Variants in EVI5 observed in about 807,000 individuals in gnomAD.
EVI5 encodes ecotropic viral integration site 5 protein homolog.
EVI5 carries 73 observed loss-of-function variants against 112.0 expected under a neutral mutation model. The observed-to-expected ratio is 0.65, with a 90% CI of 0.54 to 0.79. The LOEUF is 0.79. Among genes scored for constraint, EVI5 ranks in the 30% least tolerant of loss-of-function variants. The probability of loss-of-function intolerance (pLI) is 0.00; values close to 1 mark genes in which losing one functional copy is unlikely to be tolerated. For missense variants in EVI5, 900 were observed against 968.8 expected (o/e 0.93, Z 0.94); for synonymous variants, 305 against 319.9 (o/e 0.95, Z 0.50).
chr1:92,685,312 C>T (rs938181936), intron 9 of EVI5, among the ~76,000 whole-genome samples: 1 of 152,076 alleles, frequency 6.6e-6, no homozygotes, highest in Non-Finnish European at 1.5e-5. Flanking sequence ...CTACTGGGTA[C>T]ATAACAAAAT....
chr1:92,707,224 T>TCACAGCC (rs1275139598), intron 2 of EVI5, among the ~76,000 whole-genome samples: 2 of 147,082 alleles, frequency 1.4e-5, no homozygotes, highest in African/African-American at 5.0e-5. Flanking sequence ...CTTCACAGCC[T>TCACAGCC]TTGGGGTAGG....
chr1:92,524,253 C>T (rs768311635), intron 19 of EVI5, among the ~76,000 whole-genome samples: 23 of 151,626 alleles, frequency 1.5e-4, no homozygotes, highest in Admixed American at 2.6e-4. Flanking sequence ...ATTCTGAAGA[C>T]GGTGGTCCAT....
intron 1 of EVI5, among the ~76,000 whole-genome samples, chr1:92,771,677 G>A (rs898430510): frequency 6.6e-6 from 1 of 151,024 alleles, no homozygotes; most frequent in Non-Finnish European, 1.5e-5. Flanking sequence ...CACGATCTCG[G>A]CTCACCACAA....
chr1:92,739,795 TATG>T (rs1162897305), intron 1 of EVI5, among the ~76,000 whole-genome samples: 1 of 151,972 alleles, frequency 6.6e-6, no homozygotes, highest in Non-Finnish European at 1.5e-5. Flanking sequence ...AGGACATGGC[TATG>T]GTTAATTACT....
At chr1:92,756,674 A>T (rs1000722687) in intron 1 of EVI5, 4 of 502,440 alleles carry the variant, frequency 8.0e-6, no homozygotes, top group African/African-American at 7.8e-5. Flanking sequence ...CAACCTCAGC[A>T]TGTCAAACAG....
intron 1 of EVI5, among the ~76,000 whole-genome samples, chr1:92,774,854 C>A (rs898216213): frequency 6.6e-6 from 1 of 152,092 alleles, no homozygotes; most frequent in Non-Finnish European, 1.5e-5. Flanking sequence ...AAGTAAACAG[C>A]TAAAAATGCA....
At chr1:92,570,319 G>A (rs1378371998) in intron 18 of EVI5, among the ~76,000 whole-genome samples, 6 of 151,686 alleles carry the variant, frequency 4.0e-5, no homozygotes, top group Admixed American at 3.9e-4. Flanking sequence ...TTTTTGGCGG[G>A]AGCGAGGGCA....
intron 18 of EVI5, among the ~76,000 whole-genome samples, chr1:92,578,472 A>T (rs11164780): frequency 0.92 from 140,095 of 152,072 alleles, 64,620 homozygotes; most frequent in East Asian, 0.97. Context: ...TCTCAGCACT[A>T]TGGGAGGCTG....
intron 19 of EVI5, among the ~76,000 whole-genome samples, chr1:92,556,817 T>A (rs1667749872): frequency 6.6e-6 from 1 of 152,096 alleles, no homozygotes; most frequent in African/African-American, 2.4e-5. Flanking sequence ...CTTACCCTTT[T>A]ATTTTTTTTT....
At chr1:92,770,467 G>A (rs982198641) in intron 1 of EVI5, among the ~76,000 whole-genome samples, 5 of 152,310 alleles carry the variant, frequency 3.3e-5, no homozygotes, top group Non-Finnish European at 7.3e-5. Context: ...ACTGGGACAA[G>A]TAACATAATA....
intron 18 of EVI5, among the ~76,000 whole-genome samples, chr1:92,570,078 A>C (rs893751128): frequency 5.3e-5 from 8 of 152,100 alleles, no homozygotes; most frequent in African/African-American, 1.9e-4. Flanking sequence ...TGAGTGAAAC[A>C]GGAAGAATGT....
intron 9 of EVI5, among the ~76,000 whole-genome samples, chr1:92,690,528 T>G (rs1432791649): frequency 6.6e-6 from 1 of 151,318 alleles, no homozygotes; most frequent in Non-Finnish European, 1.5e-5. Flanking sequence ...CTTTTTTTTT[T>G]CTATACAGTC....
At chr1:92,730,594 A>T (rs1676302602) in intron 2 of EVI5, among the ~76,000 whole-genome samples, 1 of 151,220 alleles carries the variant, frequency 6.6e-6, no homozygotes, top group Non-Finnish European at 1.5e-5. Context: ...AGGTGGAAGG[A>T]TCACTTGAGC....
chr1:92,636,093 C>T (rs1658769549), intron 14 of EVI5, 109 bp downstream of exon 14: 4 of 868,638 alleles, frequency 4.6e-6, no homozygotes, highest in Non-Finnish European at 7.0e-6. Context: ...ATATGTAAGG[C>T]TTCTAATGTA....
At position 92,736,633 on chromosome 1, in the gene EVI5, G is replaced by A; in HGVS notation, c.-81-6C>T. The A allele has an allele frequency of 1.2e-6, 2 of 1,601,632 alleles. No individual in the cohort carries two copies. The highest frequency in any genetic ancestry group is 1.7e-6 in the Non-Finnish European group (2 of 1,169,082). On this transcript the variant is annotated splice_polypyrimidine_tract_variant and splice_region_variant and intron_variant, in intron 1 of 19. Coordinates refer to ENST00000684568, the MANE Select transcript of EVI5 (RefSeq NM_001350197.2). The stretch of plus-strand genomic sequence containing the variant: ...GCAACTTTGTCTGTCGCCACCTAAG[G>A]ACAAAAATAAAAGTTGCATATACTT...
chr1:92,619,101 A>G (rs1335926150), intron 16 of EVI5, among the ~76,000 whole-genome samples: 1 of 152,192 alleles, frequency 6.6e-6, no homozygotes, highest in Non-Finnish European at 1.5e-5. Flanking sequence ...ATACTGAGTT[A>G]GTATCCAAGA....
chr1:92,736,781 T>C (rs1677520278), intron 1 of EVI5, among the ~76,000 whole-genome samples, 154 bp from the exon 2 acceptor site: 1 of 152,194 alleles, frequency 6.6e-6, no homozygotes, highest in Non-Finnish European at 1.5e-5. Flanking sequence ...AATACCCTAA[T>C]ATCCAGCTTT....
chr1:92,630,423 G>C (rs1248269982), intron 14 of EVI5, among the ~76,000 whole-genome samples: 2 of 152,216 alleles, frequency 1.3e-5, no homozygotes, highest in Non-Finnish European at 2.9e-5. Flanking sequence ...GGCCAGTGAT[G>C]ATGAGCATTT....
chr1:92,636,291 C>G lies in EVI5; in HGVS notation c.1438G>C (p.Glu480Gln). The change falls in exon 14 of 20, where the codon GAG becomes CAG. Residue 480 changes from glutamate (E) to glutamine (Q), a missense_variant. Glu to Gln is a conservative substitution (Grantham distance 29). Transcript: ENST00000684568. ...NYNEDFVLQL[E>Q]KELVQARLSE... ...AGTCGGGCTTGGACCAATTCCTTCTCTAGCTGTAGCACAAAATCTTCGTTG... is the reference window on the plus strand; with the variant it reads ...AGTCGGGCTTGGACCAATTCCTTCTGTAGCTGTAGCACAAAATCTTCGTTG... The G allele has an allele frequency of 6.2e-7, 1 of 1,613,788 alleles. No individual in the cohort carries two copies. The highest frequency in any genetic ancestry group is 8.5e-7 in the Non-Finnish European group (1 of 1,179,682).
Sources: gnomAD v4.1 joint callset for allele counts (sites outside exome capture counted in the v4.1 genomes callset) on GRCh38, gnomAD v4.1.1 for gene constraint, MANE v1.5 for transcripts, NCBI Gene and HGNC (gene_info 2026-07-23, HGNC 2026-07-21) for gene names.